The following PCP4L1 variants were observed in gnomAD, a reference collection of about 807,000 sequenced individuals.
The protein encoded by PCP4L1 is Purkinje cell protein 4 like 1.
In PCP4L1, 9 loss-of-function variants were observed where a neutral mutation model predicts 9.6. That is an observed-to-expected ratio of 0.94 (90% CI 0.57 to 1.64). The LOEUF (loss-of-function observed/expected upper bound fraction) is 1.64. Ranked by LOEUF, PCP4L1 falls within the 40% of genes most tolerant of loss-of-function variation. The pLI, the probability that PCP4L1 is intolerant of heterozygous loss-of-function variation, is 0.00. For synonymous variants in PCP4L1, 31 were observed against 28.2 expected, an observed-to-expected ratio of 1.10 and a Z score of -0.31; for missense variants, 81 against 80.8, an observed-to-expected ratio of 1.00 and a Z score of -0.01.
intron 1 of PCP4L1, among the ~76,000 whole-genome samples, chr1:161,270,842 TC>T (rs1259542336): frequency 1.6e-5 from 2 of 122,208 alleles, no homozygotes; most frequent in African/African-American, 3.3e-5. Flanking sequence ...GCCACTGCAC[TC>T]CAGCCTGGTG....
At chr1:161,279,802 A>AATAAT (rs1173210945) in intron 1 of PCP4L1, among the ~76,000 whole-genome samples, 1 of 152,226 alleles carries the variant, frequency 6.6e-6, no homozygotes, top group Non-Finnish European at 1.5e-5. Flanking sequence ...CAGATGAAGT[A>AATAAT]GCCTTATTAA....
intron 1 of PCP4L1, among the ~76,000 whole-genome samples, chr1:161,272,115 A>G (rs1669632996): frequency 6.6e-6 from 1 of 150,808 alleles, no homozygotes. Flanking sequence ...CTAATTGTAC[A>G]TATTCATGGG....
chr1:161,284,326 C>T lies in PCP4L1; in HGVS notation c.65-13C>T. Reference sequence around the variant, plus strand: ...CAGATTAACTCATTAATGAGTCTCCCAACTATCTGCAGGAAAAGCTGGCAA... The same window carrying T: ...CAGATTAACTCATTAATGAGTCTCCTAACTATCTGCAGGAAAAGCTGGCAA... On this transcript the variant is annotated splice_polypyrimidine_tract_variant and intron_variant, in intron 2 of 2. Transcript: ENST00000504449. The T allele has an allele frequency of 6.2e-7, 1 of 1,613,938 alleles. No homozygotes were observed. Among genetic ancestry groups the T allele is most frequent in the Non-Finnish European group, 8.5e-7 (1 of 1,179,890 alleles).
intron 1 of PCP4L1, among the ~76,000 whole-genome samples, chr1:161,266,297 G>A (rs919409900): frequency 2.6e-5 from 4 of 152,160 alleles, no homozygotes; most frequent in African/African-American, 4.8e-5. Flanking sequence ...GGATTAATAC[G>A]TTTATTTTGG....
At chr1:161,271,967 T>G (rs1292424860) in intron 1 of PCP4L1, among the ~76,000 whole-genome samples, 1 of 150,828 alleles carries the variant, frequency 6.6e-6, no homozygotes, top group African/African-American at 2.4e-5. Flanking sequence ...GTCACCACAC[T>G]TGGACTAACC....
chr1:161,277,653 A>G (rs146962664), intron 1 of PCP4L1, among the ~76,000 whole-genome samples: 14 of 152,252 alleles, frequency 9.2e-5, no homozygotes, highest in Admixed American at 2.6e-4. Context: ...CCTTTGTGCT[A>G]TCTGGTAATC....
intron 1 of PCP4L1, among the ~76,000 whole-genome samples, chr1:161,270,850 GGTGA>G (rs200405471): frequency 0.023 from 2,780 of 118,754 alleles, 90 homozygotes; most frequent in African/African-American, 0.083. Context: ...ACTCCAGCCT[GGTGA>G]TTGATAGAGG....
rs1288042297 is a variant in PCP4L1, at chr1:161,258,805, C to T, written c.-170C>T. 1 of 1,075,230 alleles carries T rather than the reference C, an allele frequency of 9.3e-7. No individual in the cohort carries two copies. The allele number at this position is 1,075,230 out of a possible 1,614,324, so 66.6% of individuals were successfully genotyped here. On this transcript the variant is annotated 5_prime_UTR_variant, in exon 1 of 3. Coordinates refer to ENST00000504449, the MANE Select transcript of PCP4L1 (RefSeq NM_001102566.2). The stretch of plus-strand genomic sequence containing the variant: ...CTGGCCGGAGCTGGGCTCCGAGAAT[C>T]CCGGGTGCCAGCACCAGAGCAGCGG...
intron 2 of PCP4L1, among the ~76,000 whole-genome samples, chr1:161,284,009 T>C (rs556999123): frequency 5.0e-4 from 76 of 152,288 alleles, no homozygotes; most frequent in Middle Eastern, 3.4e-3. Context: ...GTCCCAGCAT[T>C]ATCTCCATCA....
intron 1 of PCP4L1, among the ~76,000 whole-genome samples, chr1:161,279,414 T>G (rs1669756965): frequency 6.6e-6 from 1 of 152,270 alleles, no homozygotes; most frequent in Non-Finnish European, 1.5e-5. Context: ...ATGAATCTTT[T>G]GCTTCTTTTA....
intron 1 of PCP4L1, among the ~76,000 whole-genome samples, chr1:161,278,122 C>A (rs769611831): frequency 2.0e-5 from 3 of 152,100 alleles, no homozygotes; most frequent in Non-Finnish European, 4.4e-5. Flanking sequence ...CATTTAAAAT[C>A]CCCCATCTTA....
intron 1 of PCP4L1, among the ~76,000 whole-genome samples, chr1:161,272,375 T>C (rs1485291427): frequency 6.6e-6 from 1 of 151,650 alleles, no homozygotes; most frequent in African/African-American, 2.4e-5. Flanking sequence ...CTGGCCAACA[T>C]GGTGAAACCC....
At chr1:161,270,787 A>G (rs1437458080) in intron 1 of PCP4L1, among the ~76,000 whole-genome samples, 1 of 151,318 alleles carries the variant, frequency 6.6e-6, no homozygotes, top group Non-Finnish European at 1.5e-5. Context: ...AGGCAGGAGA[A>G]TTGCTTGAAC....
chr1:161,273,071 A>G (rs755856171), intron 1 of PCP4L1, among the ~76,000 whole-genome samples: 1 of 152,184 alleles, frequency 6.6e-6, no homozygotes, highest in Non-Finnish European at 1.5e-5. Flanking sequence ...CTTCTTCCCC[A>G]TGGGAAGGGA....
At chr1:161,276,273 G>A (rs1037898207) in intron 1 of PCP4L1, among the ~76,000 whole-genome samples, 7 of 152,182 alleles carry the variant, frequency 4.6e-5, no homozygotes, top group South Asian at 4.1e-4. Flanking sequence ...AGTCTCCTAA[G>A]TCTCAGGAAC....
chr1:161,282,182 G>A (rs1402651165), intron 1 of PCP4L1, among the ~76,000 whole-genome samples: 1 of 151,972 alleles, frequency 6.6e-6, no homozygotes, highest in Non-Finnish European at 1.5e-5. Context: ...GTTAGGAGCT[G>A]GAGACCAGCC....
At chr1:161,271,734 C>T (rs1407550051) in intron 1 of PCP4L1, among the ~76,000 whole-genome samples, 1 of 152,180 alleles carries the variant, frequency 6.6e-6, no homozygotes, top group Non-Finnish European at 1.5e-5. Flanking sequence ...CAATGCCTGA[C>T]CTCATGATCT....
chr1:161,273,643 C>T (rs1669656711), intron 1 of PCP4L1, among the ~76,000 whole-genome samples: 1 of 152,154 alleles, frequency 6.6e-6, no homozygotes, highest in Admixed American at 6.5e-5. Context: ...AGAATGTAAA[C>T]TATGGCTGTC....
intron 1 of PCP4L1, among the ~76,000 whole-genome samples, chr1:161,261,479 C>T (rs974493184): frequency 6.6e-6 from 1 of 152,224 alleles, no homozygotes; most frequent in African/African-American, 2.4e-5. Flanking sequence ...TTCACAGCTG[C>T]AGGCGGGACT....
Sources: allele counts gnomAD v4.1 joint callset (sites outside exome capture counted in the v4.1 genomes callset), GRCh38; gene constraint gnomAD v4.1.1; transcripts MANE v1.5; gene names NCBI Gene and HGNC (gene_info 2026-07-23, HGNC 2026-07-21).